Variants in TMTC1 observed in about 807,000 individuals in gnomAD.
TMTC1 encodes transmembrane O-mannosyltransferase targeting cadherins 1.
TMTC1 carries 73 observed loss-of-function variants against 104.8 expected under a neutral mutation model. That is an observed-to-expected ratio of 0.70 (90% CI 0.58 to 0.85). The LOEUF is 0.85. TMTC1 is among the 40% of genes least tolerant of loss of function. The pLI is 0.00. For synonymous variants in TMTC1, 434 were observed against 428.7 expected (o/e 1.01, Z -0.15); for missense variants, 1,035 against 1,096.1 (o/e 0.94, Z 0.79).
At chr12:29,637,696 C>T (rs1040625362) in intron 5 of TMTC1, among the ~76,000 whole-genome samples, 4 of 152,126 alleles carry the variant, frequency 2.6e-5, no homozygotes, top group South Asian at 2.1e-4. Flanking sequence ...GTTTTAAGTG[C>T]AAGAATATAC....
chr12:29,671,820 A>C (rs1167502239), intron 5 of TMTC1, among the ~76,000 whole-genome samples: 2 of 152,196 alleles, frequency 1.3e-5, no homozygotes, highest in Admixed American at 6.5e-5. Context: ...TGGGCTGGAA[A>C]AGGAAGGGAA....
chr12:29,704,218 A>C (rs1466212173), intron 5 of TMTC1, among the ~76,000 whole-genome samples: 3 of 152,234 alleles, frequency 2.0e-5, no homozygotes, highest in African/African-American at 4.8e-5. Context: ...GGTTTTCAAA[A>C]CATAGTAGTA....
intron 6 of TMTC1, among the ~76,000 whole-genome samples, chr12:29,623,432 A>C (rs1937784202): frequency 6.6e-6 from 1 of 152,222 alleles, no homozygotes. Context: ...TGAAATAGGA[A>C]GCAAGAAGAA....
At chr12:29,637,085 A>C (rs1455585585) in intron 5 of TMTC1, among the ~76,000 whole-genome samples, 4 of 47,644 alleles carry the variant, frequency 8.4e-5, no homozygotes, top group African/African-American at 2.3e-4. Context: ...CAAAATGAGA[A>C]ACACACACAC....
At chr12:29,597,240 TTC>T (rs1307266349) in intron 7 of TMTC1, among the ~76,000 whole-genome samples, 34 of 143,934 alleles carry the variant, frequency 2.4e-4, no homozygotes, top group African/African-American at 6.4e-4. Context: ...TTTCTTTTCT[TTC>T]TTTTTTTTTT....
chr12:29,518,461 G>A lies in TMTC1; in HGVS notation c.2024+11C>T. The A allele has an allele frequency of 6.2e-7, 1 of 1,608,462 alleles. No individual in the cohort carries two copies. The highest frequency in any genetic ancestry group is 8.5e-7 in the Non-Finnish European group (1 of 1,176,492). Reference sequence around the variant, plus strand: ...CTGGGCAACTTATAAAGAAAAGAAAGGGAACTTTACCGCTTGTACCATTCT... The same window carrying A: ...CTGGGCAACTTATAAAGAAAAGAAAAGGAACTTTACCGCTTGTACCATTCT... On this transcript the variant is annotated intron_variant, in intron 13 of 17. Transcript: ENST00000539277.
chr12:29,731,838 A>G (rs921746371), intron 5 of TMTC1, among the ~76,000 whole-genome samples: 3 of 152,176 alleles, frequency 2.0e-5, no homozygotes, highest in African/African-American at 7.2e-5. Context: ...ATGAATTCCC[A>G]TATGGTTCTG....
chr12:29,704,178 A>G (rs891751375), intron 5 of TMTC1, among the ~76,000 whole-genome samples: 2 of 152,218 alleles, frequency 1.3e-5, no homozygotes, highest in African/African-American at 4.8e-5. Flanking sequence ...CTTCAGTAAT[A>G]GCTACTTTGA....
At chr12:29,529,692 A>G (rs763630391) in intron 11 of TMTC1, among the ~76,000 whole-genome samples, 1 of 152,172 alleles carries the variant, frequency 6.6e-6, no homozygotes, top group Non-Finnish European at 1.5e-5. Context: ...TTTCTTTACG[A>G]GACAGTTCCT....
intron 7 of TMTC1, among the ~76,000 whole-genome samples, chr12:29,586,734 C>T (rs1354007324): frequency 2.0e-5 from 3 of 146,880 alleles, no homozygotes; most frequent in East Asian, 1.9e-4. Flanking sequence ...TGCTGGATTA[C>T]GTTTATTGAT....
chr12:29,652,517 G>A (rs144122739), intron 5 of TMTC1, among the ~76,000 whole-genome samples: 1 of 152,318 alleles, frequency 6.6e-6, no homozygotes, highest in East Asian at 1.9e-4. Flanking sequence ...GTGCAAAGTG[G>A]CCTTCAGAAA....
chr12:29,512,225 G>T, intron 16 of TMTC1, 105 bp from the exon 17 acceptor site: 1 of 817,346 alleles, frequency 1.2e-6, no homozygotes, highest in African/African-American at 1.7e-5. Flanking sequence ...GTAATACAAT[G>T]AAACCAGCCG....
chr12:29,690,775 A>C (rs1330736379), intron 5 of TMTC1, among the ~76,000 whole-genome samples: 1 of 152,234 alleles, frequency 6.6e-6, no homozygotes, highest in Non-Finnish European at 1.5e-5. Flanking sequence ...ATTTTGGGAA[A>C]ATATTTGTTA....
Position 29,685,752 on chromosome 12 carries a change from C to T in TMTC1, c.939-52416G>A, listed in dbSNP as rs73271776. 5.1e-3 allele frequency among the ~76,000 whole-genome samples: 780 copies of T among 152,048 alleles called. 5 individuals are homozygous for T. The highest frequency in any genetic ancestry group is 0.018 in the African/African-American group (751 of 41,488). ...TTATGTAATTTGCTATTTATTCTGACAAAACTGACCAAGAGCCTCAATACC... is the reference window on the plus strand; with the variant it reads ...TTATGTAATTTGCTATTTATTCTGATAAAACTGACCAAGAGCCTCAATACC... On this transcript the variant is annotated intron_variant, in intron 5 of 17. Coordinates refer to ENST00000539277, the MANE Select transcript of TMTC1 (RefSeq NM_001193451.2).
At chr12:29,559,910 G>A (rs1945337089) in intron 9 of TMTC1, among the ~76,000 whole-genome samples, 1 of 151,954 alleles carries the variant, frequency 6.6e-6, no homozygotes, top group East Asian at 1.9e-4. Flanking sequence ...ACCAGGTCAG[G>A]AAAAATATCT....
chr12:29,576,723 T>C (rs1945834049), intron 8 of TMTC1, among the ~76,000 whole-genome samples: 2 of 152,136 alleles, frequency 1.3e-5, no homozygotes, highest in Admixed American at 6.6e-5. Context: ...AAGAGGGCTA[T>C]AGCTAAGAAT....
At chr12:29,526,805 C>A (rs1023517238) in intron 11 of TMTC1, among the ~76,000 whole-genome samples, 1 of 151,732 alleles carries the variant, frequency 6.6e-6, no homozygotes, top group East Asian at 1.9e-4. Flanking sequence ...TGTTTTTTTT[C>A]TCCTGTGGCC....
At chr12:29,670,934 C>CAAAAAAAAAA (rs374719241) in intron 5 of TMTC1, among the ~76,000 whole-genome samples, 8,833 of 58,700 alleles carry the variant, frequency 0.15, 705 homozygotes, top group African/African-American at 0.17. Context: ...GACTCTGTCT[C>CAAAAAAAAAA]AAAAAAAAAG....
Position 29,768,041 on chromosome 12 carries a change from A to C in TMTC1, c.337T>G (p.Tyr113Asp). The C allele has an allele frequency of 6.2e-7, 1 of 1,613,552 alleles. No individual in the cohort carries two copies. The highest frequency in any genetic ancestry group is 8.5e-7 in the Non-Finnish European group (1 of 1,179,740). The change falls in exon 2 of 18, where the codon TAC (tyrosine) becomes GAC (aspartate). Residue 113 changes from tyrosine (Y) to aspartate (D), a missense_variant. By Grantham distance (160) the Tyr-to-Asp change is radical (BLOSUM62 -3). Coordinates refer to ENST00000539277, the MANE Select transcript of TMTC1 (RefSeq NM_001193451.2). Reference protein sequence around the residue: ...NIFLTGMNPFYFHAVNIILHC... With the variant: ...NIFLTGMNPFDFHAVNIILHC... ...AAAATTATATTTACTGCATGAAAGT[A>C]GAATGGGTTCATACCAGTCAAAAAT...
Sources: gnomAD v4.1 joint callset for allele counts (sites outside exome capture counted in the v4.1 genomes callset) on GRCh38, gnomAD v4.1.1 for gene constraint, MANE v1.5 for transcripts, NCBI Gene and HGNC (gene_info 2026-07-23, HGNC 2026-07-21) for gene names.